The following ZNF479 variants were observed in gnomAD, a reference collection of about 807,000 sequenced individuals.
The protein encoded by ZNF479 is zinc finger protein 479, also known as KRAB zinc finger protein KR19.
In ZNF479, 15 loss-of-function variants were observed where a neutral mutation model predicts 14.7. The ratio of observed to expected loss-of-function variants is 1.02; its 90% CI spans 0.68 to 1.57. The LOEUF (loss-of-function observed/expected upper bound fraction) is 1.57. Among genes scored for constraint, ZNF479 ranks in the 40% most tolerant of loss-of-function variants. ZNF479 has a pLI of 0.00. For synonymous variants in ZNF479, 145 were observed against 211.5 expected, an observed-to-expected ratio of 0.69 and a Z score of 2.73; for missense variants, 506 against 615.1, an observed-to-expected ratio of 0.82 and a Z score of 1.88.
At chr7:57,127,597 C>T in intron 1 of ZNF479, 4 of 967,496 alleles carry the variant, frequency 4.1e-6, no homozygotes, top group Non-Finnish European at 4.9e-6. Flanking sequence ...TTTCTCTCAC[C>T]TGTAAATAAA....
chr7:57,133,568 T>C (rs1318953245), upstream of ZNF479, among the ~76,000 whole-genome samples: 1 of 151,800 alleles, frequency 6.6e-6, no homozygotes, highest in Non-Finnish European at 1.5e-5. Flanking sequence ...TGTTAAAAAG[T>C]AAAAAGAAAA....
chr7:57,125,608 T>C lies in ZNF479; in HGVS notation c.262+410A>G, dbSNP rs1583937083. 2.0e-5 allele frequency among the ~76,000 whole-genome samples: 3 copies of C among 151,672 alleles called. No individual in the cohort carries two copies. In the East Asian group the frequency reaches 5.8e-4, roughly 29 times the overall value. On this transcript the variant is annotated intron_variant, in intron 3 of 3. Transcript: ENST00000319636. Reference sequence around the variant, plus strand: ...AAACAGAATGGCATGTGCAGAAAAATGGATGACCACCAATGAAAGAGAAAC... The same window carrying C: ...AAACAGAATGGCATGTGCAGAAAAACGGATGACCACCAATGAAAGAGAAAC...
Position 57,120,878 on chromosome 7 carries a change from A to G in ZNF479, c.537T>C (p.Tyr179=). The G allele has an allele frequency of 1.9e-6, 3 of 1,613,962 alleles. No homozygotes were observed. Among genetic ancestry groups the G allele is most frequent in the Admixed American group, 1.7e-5 (1 of 59,934 alleles). Residue 179 remains tyrosine, a synonymous_variant, in exon 4 of 4, where the codon TAT becomes TAC. Transcript: ENST00000319636. Reference sequence around the variant, plus strand: ...TACATTTGAAATGTTTATTTCCAGTATATCTTGTTTTATCTCTATTGGAAT... The same window carrying G: ...TACATTTGAAATGTTTATTTCCAGTGTATCTTGTTTTATCTCTATTGGAAT... ...FSNSNRDKTR[Y]TGNKHFKCNK...
rs1554400263 is a variant in ZNF479, at chr7:57,120,665, A to C, written c.750T>G (p.Phe250Leu). ...GTCTAGTAAGGTTTGCAGACCAGCTAAAGGCTTTGCCACATTCCTCACATC... is the reference window on the plus strand; with the variant it reads ...GTCTAGTAAGGTTTGCAGACCAGCTCAAGGCTTTGCCACATTCCTCACATC... ...PYRCEECGKA[F>L]SWSANLTRHK... The change falls in exon 4 of 4, where the codon TTT becomes TTG. Residue 250 changes from phenylalanine to leucine, a missense_variant. Physicochemically the swap from Phe to Leu is conservative, Grantham distance 22. Around this residue, in one of 3 missense-constraint regions of ZNF479, gnomAD observed 420 missense variants for 474.2 expected, o/e 0.89. Coordinates refer to ENST00000319636, the MANE Select transcript of ZNF479 (RefSeq NM_001370129.2). 8 of 1,613,870 alleles carry C rather than the reference A, an allele frequency of 5.0e-6. No individual in the cohort carries two copies. Among genetic ancestry groups the C allele is most frequent in the East Asian group, 2.2e-5 (1 of 44,880 alleles).
At chr7:57,132,595 A>C (rs528565440), upstream of ZNF479, among the ~76,000 whole-genome samples, 1 of 152,178 alleles carries the variant, frequency 6.6e-6, no homozygotes, top group African/African-American at 2.4e-5. Flanking sequence ...TGAAGCAAAA[A>C]TAACAGCCTA....
chr7:57,123,865 A>G (rs557876132), intron 3 of ZNF479, among the ~76,000 whole-genome samples: 30 of 152,186 alleles, frequency 2.0e-4, no homozygotes, highest in African/African-American at 6.5e-4. Flanking sequence ...AAAATCATAC[A>G]GTATATGTTT....
At chr7:57,128,474 A>G (rs1786275412) in intron 1 of ZNF479, among the ~76,000 whole-genome samples, 1 of 152,216 alleles carries the variant, frequency 6.6e-6, no homozygotes, top group African/African-American at 2.4e-5. Flanking sequence ...TGAAACCTCA[A>G]TAGAACATGT....
In ZNF479 at chr7:57,126,621, A is replaced by T. The variant is rs762992236; in HGVS notation, c.137T>A (p.Leu46Ter). The change falls in exon 2 of 4, where the codon TTA becomes TAA. Residue 46 changes from leucine (L) to a stop codon, truncating the protein, a stop_gained. Coordinates refer to ENST00000319636, the MANE Select transcript of ZNF479 (RefSeq NM_001370129.2). LOFTEE classifies it high-confidence loss of function. ...GGAGACCAGGTTTCTGTAGTTCTCT[A>T]ACATCACATCTCTATATAAATTCCG... ...AQRNLYRDVMLENYRNLVSLG... is the reference protein window; with the variant it reads ...AQRNLYRDVM The T allele has an allele frequency of 3.8e-5, 61 of 1,613,888 alleles. No individual in the cohort carries two copies. The South Asian group carries it at 6.4e-4, about 17-fold the overall frequency.
At chr7:57,131,319 T>C (rs544977395) in intron 1 of ZNF479, among the ~76,000 whole-genome samples, 7 of 151,892 alleles carry the variant, frequency 4.6e-5, no homozygotes, top group East Asian at 2.0e-4. Context: ...CCCCAGCCCA[T>C]TGGGAGGCTG....
At chr7:57,127,508 C>T (rs533588154) in intron 1 of ZNF479, 31 of 977,240 alleles carry the variant, frequency 3.2e-5, no homozygotes, top group Middle Eastern at 5.3e-4. Context: ...GAATTTTTAG[C>T]AAGCTCACCA....
At chr7:57,121,898 AAT>A (rs782357305) in intron 3 of ZNF479, among the ~76,000 whole-genome samples, 3 of 152,138 alleles carry the variant, frequency 2.0e-5, no homozygotes, top group African/African-American at 4.8e-5. Context: ...TATTATGCTC[AAT>A]GAGAAAAATG....
intron 3 of ZNF479, among the ~76,000 whole-genome samples, chr7:57,125,214 C>A (rs1479844931): frequency 6.6e-6 from 1 of 152,024 alleles, no homozygotes; most frequent in African/African-American, 2.4e-5. Context: ...ACAAAATCAC[C>A]TTACATCAAT....
chr7:57,122,451 C>A (rs1310084795), intron 3 of ZNF479, among the ~76,000 whole-genome samples: 4 of 151,702 alleles, frequency 2.6e-5, no homozygotes, highest in Non-Finnish European at 5.9e-5. Flanking sequence ...AAATACATAA[C>A]TTTCTGAAAA....
Position 57,118,481 on chromosome 7 carries a change from C to A in ZNF479, c.*1359G>T, listed in dbSNP as rs1785772397. On this transcript the variant is annotated 3_prime_UTR_variant, in exon 4 of 4. Coordinates refer to ENST00000319636, the MANE Select transcript of ZNF479 (RefSeq NM_001370129.2). ...CTGCCTCCCCGGTTCAAGCAATTCTCCTACCTCTGCCTGCCAAGTAGCTGG... is the reference window on the plus strand; with the variant it reads ...CTGCCTCCCCGGTTCAAGCAATTCTACTACCTCTGCCTGCCAAGTAGCTGG... 1.3e-5 allele frequency among the ~76,000 whole-genome samples: 2 copies of A among 152,116 alleles called. No homozygotes were observed. The highest frequency in any genetic ancestry group is 2.9e-5 in the Non-Finnish European group (2 of 68,040).
At chr7:57,126,978 G>A (rs1786194797) in intron 1 of ZNF479, among the ~76,000 whole-genome samples, 2 of 151,330 alleles carry the variant, frequency 1.3e-5, no homozygotes, top group South Asian at 2.1e-4. Flanking sequence ...AAAATTAAGG[G>A]CATCAACATG....
intron 3 of ZNF479, among the ~76,000 whole-genome samples, chr7:57,124,041 T>C (rs1332547174): frequency 6.6e-6 from 1 of 152,212 alleles, no homozygotes; most frequent in Non-Finnish European, 1.5e-5. Context: ...ATGACTTAAT[T>C]TGTTAAGATG....
chr7:57,117,783 A>T lies in ZNF479; in HGVS notation c.*2057T>A, dbSNP rs1785750041. Among the ~76,000 whole-genome samples, 1 of 152,284 alleles carries T rather than the reference A, an allele frequency of 6.6e-6. No homozygotes were observed. Among genetic ancestry groups the T allele is most frequent in the Admixed American group, 6.5e-5 (1 of 15,294 alleles). On this transcript the variant is annotated 3_prime_UTR_variant, in exon 4 of 4. Coordinates refer to ENST00000319636, the MANE Select transcript of ZNF479 (RefSeq NM_001370129.2). ...CAACTGATCAAATACTTTCACAAACAATGGGAAGAGTCAACATGACGGAAT... is the reference window on the plus strand; with the variant it reads ...CAACTGATCAAATACTTTCACAAACTATGGGAAGAGTCAACATGACGGAAT...
chr7:57,120,985 C>A lies in ZNF479; in HGVS notation c.430G>T (p.Glu144Ter). The change falls in exon 4 of 4, where the codon GAA (glutamate) becomes TAA (stop). Residue 144 changes from glutamate to a stop codon, truncating the protein, a stop_gained. Coordinates refer to ENST00000319636, the MANE Select transcript of ZNF479 (RefSeq NM_001370129.2). LOFTEE classifies it low-confidence loss of function (END_TRUNC). ...EYEVHKGGYSEVNQCLSTTQN... is the reference protein window; with the variant it reads ...EYEVHKGGYS Reference sequence around the variant, plus strand: ...GTAGTTGACAAACATTGGTTAACTTCACTATAACCTCCCTTGTGCACCTCA... The same window carrying A: ...GTAGTTGACAAACATTGGTTAACTTAACTATAACCTCCCTTGTGCACCTCA... 6.2e-7 allele frequency: 1 copy of A among 1,614,076 alleles called. No homozygotes were observed. Among genetic ancestry groups the A allele is most frequent in the Non-Finnish European group, 8.5e-7 (1 of 1,180,016 alleles).
upstream of ZNF479, among the ~76,000 whole-genome samples, chr7:57,133,801 G>A (rs1055664222): frequency 6.6e-6 from 1 of 151,722 alleles, no homozygotes; most frequent in Non-Finnish European, 1.5e-5. Context: ...AAGAGGCAGA[G>A]GTTGCAGTGA....
Sources: gnomAD v4.1 joint callset for allele counts (sites outside exome capture counted in the v4.1 genomes callset) on GRCh38, gnomAD v4.1.1 for gene constraint, gnomAD v4.1.1 regional missense constraint, MANE v1.5 for transcripts, NCBI Gene and HGNC (gene_info 2026-07-23, HGNC 2026-07-21) for gene names.